The following EIF4EBP2 variants were observed in gnomAD, a reference collection of about 807,000 sequenced individuals.
The protein encoded by EIF4EBP2 is eukaryotic translation initiation factor 4E binding protein 2, also known as eukaryotic translation initiation factor 4E-binding protein 2.
A neutral mutation model predicts 10.3 loss-of-function variants in EIF4EBP2; 5 were observed. The ratio of observed to expected loss-of-function variants is 0.48; its 90% confidence interval spans 0.25 to 1.02. EIF4EBP2 has a LOEUF of 1.02. EIF4EBP2 is among the 50% of genes least tolerant of loss of function. EIF4EBP2 has a pLI of 0.15. For synonymous variants in EIF4EBP2, 67 were observed against 61.1 expected, an observed-to-expected ratio of 1.10 and a Z score of -0.45; for missense variants, 188 against 162.2, an observed-to-expected ratio of 1.16 and a Z score of -0.86.
rs1251759001 is a variant in EIF4EBP2, at chr10:70,424,013, C to CT, written c.*2270dup. 6.6e-6 allele frequency: 1 copy of CT among 152,102 alleles called. No individual in the cohort carries two copies. Among genetic ancestry groups the CT allele is most frequent in the Admixed American group, 6.6e-5 (1 of 15,262 alleles). 9.4% of individuals were successfully genotyped at this position (152,102 alleles called of 1,614,324 possible). A position where few individuals can be genotyped will look rare whatever the true frequency, so the allele number is the denominator to read the frequency against. On this transcript the variant is annotated 3_prime_UTR_variant, in exon 3 of 3. Transcript: ENST00000373218. Reference sequence around the variant, plus strand: ...GGAGCCTGATTCTTTGGGAATGAAGCTTTTCATTCTTCATACACTGGCCTT... The same window carrying CT: ...GGAGCCTGATTCTTTGGGAATGAAGCTTTTTCATTCTTCATACACTGGCCTT...
At position 70,426,278 on chromosome 10, in the gene EIF4EBP2, C is replaced by T. The variant is rs930717820; in HGVS notation, c.*4531C>T. The T allele has an allele frequency of 2.0e-5, 3 of 151,646 alleles. No homozygotes were observed. The highest frequency in any genetic ancestry group is 7.3e-5 in the African/African-American group (3 of 41,162). The allele number at this position is 151,646 out of a possible 1,614,324, so 9.4% of individuals were successfully genotyped here. A position where few individuals can be genotyped will look rare whatever the true frequency, so the allele number is the denominator to read the frequency against. Reference sequence around the variant, plus strand: ...TCTTTCTTTCTTTCTTTCTTTTTTTCTGAGACAAGAGTTGCGCCCTGTCGC... The same window carrying T: ...TCTTTCTTTCTTTCTTTCTTTTTTTTTGAGACAAGAGTTGCGCCCTGTCGC... On this transcript the variant is annotated 3_prime_UTR_variant, in exon 3 of 3. Transcript: ENST00000373218.
At chr10:70,406,695 T>G (rs1177701631) in intron 1 of EIF4EBP2, among the ~76,000 whole-genome samples, 1 of 150,742 alleles carries the variant, frequency 6.6e-6, no homozygotes, top group African/African-American at 2.5e-5. Context: ...TTGCAAAGAG[T>G]CTGCCAGAAA....
In EIF4EBP2 at chr10:70,422,499, G is replaced by A. The variant is rs1269134704; in HGVS notation, c.*752G>A. 6.6e-6 allele frequency: 1 copy of A among 152,134 alleles called. No homozygotes were observed. The highest frequency in any genetic ancestry group is 1.5e-5 in the Non-Finnish European group (1 of 68,032). 9.4% of individuals were successfully genotyped at this position (152,134 alleles called of 1,614,324 possible). Reference sequence around the variant, plus strand: ...TTTTAACTCTGTACATCAGAAGAGAGCCCTTGGTAACCAGTTTTGCTCTTC... The same window carrying A: ...TTTTAACTCTGTACATCAGAAGAGAACCCTTGGTAACCAGTTTTGCTCTTC... On this transcript the variant is annotated 3_prime_UTR_variant, in exon 3 of 3. Coordinates refer to ENST00000373218, the MANE Select transcript of EIF4EBP2 (RefSeq NM_004096.5).
Position 70,412,161 on chromosome 10 carries a change from T to C in EIF4EBP2, c.145+7615T>C, listed in dbSNP as rs139375115. ...GGAAGTCTGCTGATGGCTTCTGAGA[T>C]TTTCCCCTCCAACGGAGAAAGTCCC... On this transcript the variant is annotated intron_variant, in intron 1 of 2. Coordinates refer to ENST00000373218, the MANE Select transcript of EIF4EBP2 (RefSeq NM_004096.5). Among the ~76,000 whole-genome samples the C allele has an allele frequency of 3.5e-4, 54 of 152,262 alleles. No homozygotes were observed. The East Asian group carries it at 9.1e-3, about 26-fold the overall frequency.
intron 1 of EIF4EBP2, among the ~76,000 whole-genome samples, chr10:70,412,460 T>C (rs1205309326): frequency 6.6e-6 from 1 of 152,178 alleles, no homozygotes; most frequent in Non-Finnish European, 1.5e-5. Flanking sequence ...AACCATGTTA[T>C]AGTGGACTTT....
At chr10:70,409,663 A>G (rs1356665966) in intron 1 of EIF4EBP2, among the ~76,000 whole-genome samples, 1 of 152,232 alleles carries the variant, frequency 6.6e-6, no homozygotes, top group East Asian at 1.9e-4. Flanking sequence ...GCTAGCTAAT[A>G]TGATTCTTTC....
rs1234297555 is a variant in EIF4EBP2 at position 70,425,800 on chromosome 10, G to C, written c.*4053G>C. 1 of 152,194 alleles carries C rather than the reference G, an allele frequency of 6.6e-6. No individual in the cohort carries two copies. Among genetic ancestry groups the C allele is most frequent in the African/African-American group, 2.4e-5 (1 of 41,452 alleles). 9.4% of individuals were successfully genotyped at this position (152,194 alleles called of 1,614,324 possible). A position where few individuals can be genotyped will look rare whatever the true frequency, so the allele number is the denominator to read the frequency against. The stretch of plus-strand genomic sequence containing the variant: ...TTGGAATGGGGATTGTCCAGCAAAG[G>C]GAGCAAACATGAATTAGATGTTAAG... On this transcript the variant is annotated 3_prime_UTR_variant, in exon 3 of 3. Coordinates refer to ENST00000373218, the MANE Select transcript of EIF4EBP2 (RefSeq NM_004096.5).
chr10:70,407,865 C>G (rs1844993710), intron 1 of EIF4EBP2, among the ~76,000 whole-genome samples: 1 of 132,540 alleles, frequency 7.5e-6, no homozygotes, highest in South Asian at 2.5e-4. Context: ...GGCTGACCCC[C>G]CACCTCCCTC....
In EIF4EBP2 at chr10:70,427,920, A is replaced by G. The variant is rs1845220227; in HGVS notation, c.*6173A>G. On this transcript the variant is annotated 3_prime_UTR_variant, in exon 3 of 3. Coordinates refer to ENST00000373218, the MANE Select transcript of EIF4EBP2 (RefSeq NM_004096.5). ...TCCATGAATCTAGCACAAAATATCC[A>G]TTCTTGCCCAAGTGTATCCCCTTTC... 1 of 149,710 alleles carries G rather than the reference A, an allele frequency of 6.7e-6. No homozygotes were observed. The highest frequency in any genetic ancestry group is 2.5e-5 in the African/African-American group (1 of 40,616). The allele number at this position is 149,710 out of a possible 1,614,324, so 9.3% of individuals were successfully genotyped here.
chr10:70,407,530 G>A (rs1415604896), intron 1 of EIF4EBP2, among the ~76,000 whole-genome samples: 4 of 152,074 alleles, frequency 2.6e-5, no homozygotes, highest in Middle Eastern at 3.2e-3. Flanking sequence ...ACACAGACAC[G>A]GCAACCATCC....
In EIF4EBP2 at chr10:70,420,011, C is replaced by T. The variant is rs762131264; in HGVS notation, c.243C>T (p.Val81=). The change falls in exon 2 of 3, where the codon GTC becomes GTT. Residue 81 remains valine, a synonymous_variant. Transcript: ENST00000373218. ...PPCHLPNIPG[V]TSPGTLIEDS... The stretch of plus-strand genomic sequence containing the variant: ...GCCACCTGCCCAATATCCCAGGAGT[C>T]ACTAGCCCTGGCACCTTAATTGAAG... The T allele has an allele frequency of 2.5e-6, 4 of 1,613,274 alleles. No homozygotes were observed. In the African/African-American group the frequency reaches 5.3e-5, roughly 22 times the overall value.
At chr10:70,408,331 G>A (rs1303654850) in intron 1 of EIF4EBP2, among the ~76,000 whole-genome samples, 2 of 152,158 alleles carry the variant, frequency 1.3e-5, no homozygotes, top group African/African-American at 2.4e-5. Flanking sequence ...AGCCAGGATG[G>A]TCTTAATCTT....
chr10:70,417,251 G>A lies in EIF4EBP2; in HGVS notation c.146-2663G>A, dbSNP rs564402120. Reference sequence around the variant, plus strand: ...GTGAAAGAAGCAGTCACAAAAGACTGTATTGTATGATTCCATTTATATGAA... The same window carrying A: ...GTGAAAGAAGCAGTCACAAAAGACTATATTGTATGATTCCATTTATATGAA... On this transcript the variant is annotated intron_variant, in intron 1 of 2. Transcript: ENST00000373218. 4.6e-5 allele frequency among the ~76,000 whole-genome samples: 7 copies of A among 152,186 alleles called. No individual in the cohort carries two copies. The South Asian group carries it at 6.3e-4, about 14-fold the overall frequency.
intron 1 of EIF4EBP2, 121 bp from the exon 2 acceptor site, chr10:70,419,793 A>G (rs1226873470): frequency 2.4e-5 from 18 of 765,208 alleles, no homozygotes; most frequent in Non-Finnish European, 3.7e-5. Flanking sequence ...TATGCTTTCA[A>G]CTTGAATTGT....
In EIF4EBP2 at chr10:70,424,203, T is replaced by G. The variant is rs940391085; in HGVS notation, c.*2456T>G. On this transcript the variant is annotated 3_prime_UTR_variant, in exon 3 of 3. Coordinates refer to ENST00000373218, the MANE Select transcript of EIF4EBP2 (RefSeq NM_004096.5). ...GCTTTAGTAGTATCAAGATGCCATT[T>G]TCCTTTTTCTTGCTGTCTTGGGGAG... 3 of 152,192 alleles carry G rather than the reference T, an allele frequency of 2.0e-5. No homozygotes were observed. Among genetic ancestry groups the G allele is most frequent in the African/African-American group, 7.2e-5 (3 of 41,444 alleles). 9.4% of individuals were successfully genotyped at this position (152,192 alleles called of 1,614,324 possible). A position where few individuals can be genotyped will look rare whatever the true frequency, so the allele number is the denominator to read the frequency against.
At chr10:70,417,276 A>G (rs1198304651) in intron 1 of EIF4EBP2, among the ~76,000 whole-genome samples, 2 of 152,226 alleles carry the variant, frequency 1.3e-5, no homozygotes, top group Non-Finnish European at 2.9e-5. Flanking sequence ...ATTTATATGA[A>G]ATGGCCAGAG....
chr10:70,416,875 C>T (rs1422587228), intron 1 of EIF4EBP2, among the ~76,000 whole-genome samples: 3 of 151,908 alleles, frequency 2.0e-5, no homozygotes, highest in Non-Finnish European at 2.9e-5. Flanking sequence ...CCATGTTGCC[C>T]AGGCTGGTCT....
At chr10:70,413,625 A>AG (rs1366435633) in intron 1 of EIF4EBP2, among the ~76,000 whole-genome samples, 1 of 151,816 alleles carries the variant, frequency 6.6e-6, no homozygotes. Context: ...AAAAAAAAAA[A>AG]AAAAAAGAAA....
chr10:70,404,576 C>T, intron 1 of EIF4EBP2, 30 bp downstream of exon 1: 1 of 1,510,442 alleles, frequency 6.6e-7, no homozygotes, highest in Non-Finnish European at 8.8e-7. Context: ...CCGCCGCGCC[C>T]GGTGTCCCGC....
Sources: gnomAD v4.1 joint callset for allele counts (sites outside exome capture counted in the v4.1 genomes callset) on GRCh38, gnomAD v4.1.1 for gene constraint, MANE v1.5 for transcripts, NCBI Gene and HGNC (gene_info 2026-07-23, HGNC 2026-07-21) for gene names.